The following TENT4B variants were observed in gnomAD, a reference collection of about 807,000 sequenced individuals.
TENT4B encodes terminal nucleotidyltransferase 4B, also known as PAP associated domain containing 5.
A neutral mutation model predicts 75.0 loss-of-function variants in TENT4B; 10 were observed. The observed-to-expected ratio is 0.13, with a 90% confidence interval of 0.08 to 0.23. The LOEUF (loss-of-function observed/expected upper bound fraction) is 0.23. Ranked by LOEUF, TENT4B falls within the 10% of genes least tolerant of loss-of-function variation. The pLI is 1.00. For missense variants in TENT4B, 579 were observed against 893.8 expected (o/e 0.65, Z 4.49); for synonymous variants, 350 against 357.7 (o/e 0.98, Z 0.24).
intron 1 of TENT4B, among the ~76,000 whole-genome samples, chr16:50,175,545 C>T (rs1208295862): frequency 3.9e-5 from 6 of 151,978 alleles, no homozygotes; most frequent in African/African-American, 1.2e-4. Flanking sequence ...AGTGCAGTGG[C>T]GCGATCTCGG....
chr16:50,174,855 G>C lies in TENT4B; in HGVS notation c.638+20596G>C, dbSNP rs531385702. ...GCCTCCCAGGTTTAAGCAATTCTCT[G>C]CCTCAGCCTCCCGAGTAGCTGGGAT... On this transcript the variant is annotated intron_variant, in intron 1 of 11. Transcript: ENST00000561678. Among the ~76,000 whole-genome samples the C allele has an allele frequency of 2.0e-5, 3 of 148,728 alleles. No individual in the cohort carries two copies. The South Asian group carries it at 6.4e-4, about 32-fold the overall frequency.
rs1213134570 is a variant in TENT4B, at chr16:50,217,624, T to C, written c.999T>C (p.Asn333=). 1.3e-6 allele frequency: 2 copies of C among 1,536,858 alleles called. No homozygotes were observed. The highest frequency in any genetic ancestry group is 1.4e-5 in the African/African-American group (1 of 72,110). The stretch of plus-strand genomic sequence containing the variant: ...TTGATATCAGCTTTAATGTACAGAA[T>C]GGCGTGAGAGCAGCTGACCTCATCA... ...VKVDISFNVQ[N]GVRAADLIKD... is the part of the protein sequence containing the mutation. The change falls in exon 5 of 12, where the codon AAT becomes AAC. Residue 333 remains asparagine, a synonymous_variant. Coordinates refer to ENST00000561678, the MANE Select transcript of TENT4B (RefSeq NM_001365324.3).
At chr16:50,153,118 G>C (rs1567468000), upstream of TENT4B, 19 of 1,137,692 alleles carry the variant, frequency 1.7e-5, no homozygotes, top group South Asian at 1.9e-4. Context: ...TGTGACGCAC[G>C]GCGAGGCCTC....
chr16:50,180,172 C>T (rs12925311), intron 1 of TENT4B, among the ~76,000 whole-genome samples: 101,209 of 151,496 alleles, frequency 0.67, 35,668 homozygotes, highest in Non-Finnish European at 0.77. Context: ...GGTGCGATCT[C>T]AGCTTACTGC....
chr16:50,158,737 T>C (rs2037947853), intron 1 of TENT4B, among the ~76,000 whole-genome samples: 1 of 152,148 alleles, frequency 6.6e-6, no homozygotes, highest in African/African-American at 2.4e-5. Context: ...AACAATGTTT[T>C]GGAGTACAAA....
At position 50,153,619 on chromosome 16, in the gene TENT4B, T is replaced by G; in HGVS notation, c.-3T>G. 1 of 998,444 alleles carries G rather than the reference T, an allele frequency of 1.0e-6. No individual in the cohort carries two copies. The highest frequency in any genetic ancestry group is 1.2e-6 in the Non-Finnish European group (1 of 840,750). The allele number at this position is 998,444 out of a possible 1,614,324, so 61.8% of individuals were successfully genotyped here. A position where few individuals can be genotyped will look rare whatever the true frequency, so the allele number is the denominator to read the frequency against. ...GGGCGGGGGCAGCGGCCGCCGCCGT[T>G]TGATGGATCCGAGGATCGCCTGGTT... On this transcript the variant is annotated 5_prime_UTR_variant, in exon 1 of 12. Transcript: ENST00000561678.
intron 1 of TENT4B, among the ~76,000 whole-genome samples, chr16:50,209,780 T>C (rs1010126041): frequency 6.6e-6 from 1 of 152,200 alleles, no homozygotes; most frequent in Admixed American, 6.5e-5. Context: ...GGTTTTTGAC[T>C]CTTAGGCTAA....
At chr16:50,200,905 T>C (rs994201981) in intron 1 of TENT4B, among the ~76,000 whole-genome samples, 8 of 152,010 alleles carry the variant, frequency 5.3e-5, no homozygotes, top group African/African-American at 1.7e-4. Context: ...CAAGCAATCC[T>C]CTTGCCTCAG....
At chr16:50,220,922 C>CTT (rs1341561997) in intron 5 of TENT4B, among the ~76,000 whole-genome samples, 1 of 151,332 alleles carries the variant, frequency 6.6e-6, no homozygotes, top group East Asian at 1.9e-4. Context: ...GCTTTTTTTT[C>CTT]TTTTTTATAG....
At position 50,153,495 on chromosome 16, in the gene TENT4B, A is replaced by G. The variant is rs1285844691; in HGVS notation, c.-127A>G. 5.5e-5 allele frequency: 54 copies of G among 974,472 alleles called. No individual in the cohort carries two copies. Among genetic ancestry groups the G allele is most frequent in the African/African-American group, 7.2e-5 (4 of 55,210 alleles). 60.4% of individuals were successfully genotyped at this position (974,472 alleles called of 1,614,324 possible). A position where few individuals can be genotyped will look rare whatever the true frequency, so the allele number is the denominator to read the frequency against. On this transcript the variant is annotated 5_prime_UTR_variant, in exon 1 of 12. Coordinates refer to ENST00000561678, the MANE Select transcript of TENT4B (RefSeq NM_001365324.3). Reference sequence around the variant, plus strand: ...CCGCCCGCGGCGGGCCCCGAGCAGCAGCAGCAGCAGCAGCGGCAGCAGCGG... The same window carrying G: ...CCGCCCGCGGCGGGCCCCGAGCAGCGGCAGCAGCAGCAGCGGCAGCAGCGG...
At position 50,217,200 on chromosome 16, in the gene TENT4B, TATTA is replaced by T. The variant is rs544281213; in HGVS notation, c.931-352_931-349del. On this transcript the variant is annotated intron_variant, in intron 4 of 11. Coordinates refer to ENST00000561678, the MANE Select transcript of TENT4B (RefSeq NM_001365324.3). ...CAACTAATAAATGAGATGATGGGCA[TATTA>T]ATTTATTTAACTGTAGTAATCACTT... Among the ~76,000 whole-genome samples the T allele has an allele frequency of 8.3e-4, 126 of 152,350 alleles. 2 individuals carry two copies. The highest frequency in any genetic ancestry group is 2.4e-3 in the African/African-American group (98 of 41,576).
intron 11 of TENT4B, 64 bp downstream of exon 11, chr16:50,228,067 G>C (rs1193700017): frequency 6.5e-7 from 1 of 1,539,318 alleles, no homozygotes; most frequent in Non-Finnish European, 8.8e-7. Flanking sequence ...TTTCCCACAT[G>C]TAAATAATAT....
At chr16:50,206,863 G>A (rs981174135) in intron 1 of TENT4B, among the ~76,000 whole-genome samples, 4 of 151,378 alleles carry the variant, frequency 2.6e-5, no homozygotes, top group African/African-American at 9.7e-5. Flanking sequence ...ATTTTGATAG[G>A]CTGGATTCCT....
At chr16:50,184,666 CAAAAAGA>C (rs984063315) in intron 1 of TENT4B, among the ~76,000 whole-genome samples, 2 of 149,404 alleles carry the variant, frequency 1.3e-5, no homozygotes, top group African/African-American at 4.9e-5. Context: ...GACTCCATCT[CAAAAAGA>C]AAAAAAAAAG....
In TENT4B at chr16:50,183,036, T is replaced by TA. The variant is rs1468882521; in HGVS notation, c.639-28286dup. Among the ~76,000 whole-genome samples, 5 of 150,242 alleles carry TA rather than the reference T, an allele frequency of 3.3e-5. No individual in the cohort carries two copies. In the East Asian group the frequency reaches 9.7e-4, roughly 29 times the overall value. On this transcript the variant is annotated intron_variant, in intron 1 of 11. Transcript: ENST00000561678. ...ACCCGGCTTTCTTGTATTTTTTTTT[T>TA]ATTTTTATTTATTTATTTATTTTTG...
intron 1 of TENT4B, among the ~76,000 whole-genome samples, chr16:50,207,643 A>G (rs550441187): frequency 1.8e-4 from 28 of 152,212 alleles, no homozygotes; most frequent in Non-Finnish European, 3.8e-4. Flanking sequence ...AACTGTAACA[A>G]TGGGCATGTG....
chr16:50,178,277 G>A (rs1372477149), intron 1 of TENT4B, among the ~76,000 whole-genome samples: 1 of 151,206 alleles, frequency 6.6e-6, no homozygotes, highest in African/African-American at 2.4e-5. Context: ...GCAACATATA[G>A]AGACTTCACT....
intron 1 of TENT4B, among the ~76,000 whole-genome samples, chr16:50,200,922 G>A (rs1276142159): frequency 6.6e-6 from 1 of 151,622 alleles, no homozygotes; most frequent in East Asian, 1.9e-4. Flanking sequence ...TCAGCCTTCC[G>A]AGTAGCTGGG....
chr16:50,206,154 C>G (rs2150728416), intron 1 of TENT4B, among the ~76,000 whole-genome samples: 1 of 152,004 alleles, frequency 6.6e-6, no homozygotes, highest in Middle Eastern at 3.4e-3. Context: ...TATCCTTGTT[C>G]CCTCATGAAA....
Sources: allele counts gnomAD v4.1 joint callset (sites outside exome capture counted in the v4.1 genomes callset), GRCh38; gene constraint gnomAD v4.1.1; transcripts MANE v1.5; gene names NCBI Gene and HGNC (gene_info 2026-07-23, HGNC 2026-07-21).